The following SUGCT variants were observed in gnomAD, a reference collection of about 807,000 sequenced individuals.
The protein encoded by SUGCT is succinyl-CoA:glutarate-CoA transferase, also known as succinyl-CoA:glutarate CoA-transferase.
In SUGCT, 41 loss-of-function variants were observed where a neutral mutation model predicts 55.0. That is an observed-to-expected ratio of 0.74 (90% CI 0.58 to 0.97). SUGCT has a LOEUF of 0.97. SUGCT is among the 50% of genes least tolerant of loss of function. The pLI is 0.00. For synonymous variants in SUGCT, 187 were observed against 200.4 expected (o/e 0.93, Z 0.56); for missense variants, 568 against 547.8 (o/e 1.04, Z -0.37).
chr7:40,765,487 C>CT (rs993422678), intron 13 of SUGCT, among the ~76,000 whole-genome samples: 1 of 149,112 alleles, frequency 6.7e-6, no homozygotes, highest in African/African-American at 2.5e-5. Context: ...ACCCTAAAAA[C>CT]TGTGTTTTTC....
At chr7:40,857,959 G>A (rs1794272324) in intron 13 of SUGCT, among the ~76,000 whole-genome samples, 1 of 152,006 alleles carries the variant, frequency 6.6e-6, no homozygotes, top group Non-Finnish European at 1.5e-5. Context: ...ACGTGAAATT[G>A]GAATCTAACT....
chr7:40,440,706 C>T (rs116433757), intron 9 of SUGCT, among the ~76,000 whole-genome samples: 293 of 152,164 alleles, frequency 1.9e-3, no homozygotes, highest in African/African-American at 6.0e-3. Flanking sequence ...CTGGCTTCAG[C>T]GCTCCCAACC....
At chr7:40,704,466 G>A (rs765418834) in intron 12 of SUGCT, among the ~76,000 whole-genome samples, 3 of 152,110 alleles carry the variant, frequency 2.0e-5, no homozygotes, top group Admixed American at 1.3e-4. Context: ...TAGGGGTATT[G>A]GAAAGAGCAA....
intron 8 of SUGCT, among the ~76,000 whole-genome samples, chr7:40,302,190 T>C (rs1794578506): frequency 6.6e-6 from 1 of 152,164 alleles, no homozygotes; most frequent in South Asian, 2.1e-4. Flanking sequence ...GATAATGCCT[T>C]TGATATACAT....
chr7:40,798,570 C>T (rs1394495451), intron 13 of SUGCT, among the ~76,000 whole-genome samples: 3 of 152,142 alleles, frequency 2.0e-5, no homozygotes, highest in Non-Finnish European at 4.4e-5. Flanking sequence ...ATAATACATC[C>T]TGGTGCTAGT....
At chr7:40,290,355 A>G (rs962135473) in intron 8 of SUGCT, among the ~76,000 whole-genome samples, 15 of 152,224 alleles carry the variant, frequency 9.9e-5, no homozygotes, top group Non-Finnish European at 1.6e-4. Flanking sequence ...AATGCCACAT[A>G]TCTACAACCA....
chr7:40,972,584 T>C, the SUGCT span, among the ~76,000 whole-genome samples: 1 of 152,198 alleles, frequency 6.6e-6, no homozygotes, highest in Non-Finnish European at 1.5e-5. Flanking sequence ...ACTTCTGCTT[T>C]GTAAATGGTA....
chr7:40,539,395 A>T (rs1335929715), intron 12 of SUGCT: 1 of 152,222 alleles, frequency 6.6e-6, no homozygotes, highest in Non-Finnish European at 1.5e-5. Flanking sequence ...GAATAAAAAA[A>T]TGTATCTATG....
chr7:40,705,781 AC>A (rs1424991409), intron 12 of SUGCT, among the ~76,000 whole-genome samples: 2 of 152,174 alleles, frequency 1.3e-5, no homozygotes, highest in Non-Finnish European at 2.9e-5. Flanking sequence ...CCTGGATTTT[AC>A]TGGGACAACA....
chr7:40,251,059 G>C (rs1790357959), intron 7 of SUGCT, among the ~76,000 whole-genome samples: 1 of 151,936 alleles, frequency 6.6e-6, no homozygotes, highest in Non-Finnish European at 1.5e-5. Context: ...TCGAACCCCT[G>C]ACCTTGTGAT....
intron 9 of SUGCT, among the ~76,000 whole-genome samples, chr7:40,403,328 A>C (rs1786184078): frequency 6.6e-6 from 1 of 152,168 alleles, no homozygotes; most frequent in Non-Finnish European, 1.5e-5. Context: ...ACAGATACAT[A>C]ACATAAGACT....
chr7:40,157,281 A>G (rs996973564), intron 1 of SUGCT, among the ~76,000 whole-genome samples: 1 of 152,046 alleles, frequency 6.6e-6, no homozygotes, highest in Non-Finnish European at 1.5e-5. Context: ...TGCTTACCAT[A>G]GGTAGATTGC....
intron 12 of SUGCT, among the ~76,000 whole-genome samples, chr7:40,645,616 C>G (rs148042534): frequency 1.3e-5 from 2 of 152,298 alleles, no homozygotes; most frequent in East Asian, 3.9e-4. Context: ...TCATGGTAGA[C>G]CACAGACACC....
chr7:40,903,818 G>A, the SUGCT span, among the ~76,000 whole-genome samples: 1 of 152,154 alleles, frequency 6.6e-6, no homozygotes, highest in Non-Finnish European at 1.5e-5. Context: ...ATTGTTCAAA[G>A]GCCCTGAGAG....
At chr7:40,979,658 G>A in the SUGCT span, 7 of 152,194 alleles carry the variant, frequency 4.6e-5, no homozygotes, top group South Asian at 1.2e-3. Context: ...TTCATGAGGA[G>A]AAGGGTGGGG....
At chr7:40,997,173 C>A in the SUGCT span, among the ~76,000 whole-genome samples, 50 of 152,316 alleles carry the variant, frequency 3.3e-4, no homozygotes, top group Middle Eastern at 3.4e-3. Context: ...AGAAAACATT[C>A]TCTGAGCATC....
intron 13 of SUGCT, among the ~76,000 whole-genome samples, chr7:40,768,221 C>T (rs1037501258): frequency 1.3e-5 from 2 of 152,158 alleles, no homozygotes; most frequent in East Asian, 1.9e-4. Flanking sequence ...TCAGGGGCCT[C>T]AGGCTGCTTC....
chr7:40,379,430 C>T (rs1302150719), intron 9 of SUGCT, among the ~76,000 whole-genome samples: 1 of 152,084 alleles, frequency 6.6e-6, no homozygotes, highest in African/African-American at 2.4e-5. Flanking sequence ...TTTTAATATT[C>T]CCACATGCCT....
At chr7:40,942,689 A>G in the SUGCT span, among the ~76,000 whole-genome samples, 1 of 152,076 alleles carries the variant, frequency 6.6e-6, no homozygotes. Flanking sequence ...TCTCTCAGGA[A>G]CACTAATCAT....
Sources: gnomAD v4.1 joint callset for allele counts (sites outside exome capture counted in the v4.1 genomes callset) on GRCh38, gnomAD v4.1.1 for gene constraint, MANE v1.5 for transcripts, NCBI Gene and HGNC (gene_info 2026-07-23, HGNC 2026-07-21) for gene names.